The following QKI variants were observed in gnomAD, a reference collection of about 807,000 sequenced individuals.
QKI encodes KH domain-containing RNA-binding protein QKI.
Under a neutral mutation model 39.0 loss-of-function variants are expected in QKI, and 10 were observed. That is an observed-to-expected ratio of 0.26 (90% confidence interval 0.16 to 0.43). The LOEUF is 0.43. Among genes scored for constraint, QKI ranks in the 20% least tolerant of loss-of-function variants. The pLI, the probability that QKI is intolerant of heterozygous loss-of-function variation, is 1.00. For missense variants in QKI, 218 were observed against 428.0 expected (o/e 0.51, Z 4.33); for synonymous variants, 204 against 155.4 (o/e 1.31, Z -2.33).
In QKI at chr6:163,543,072, A is replaced by G. The variant is rs954856480; in HGVS notation, c.546+7947A>G. 2.0e-5 allele frequency among the ~76,000 whole-genome samples: 3 copies of G among 152,102 alleles called. No individual in the cohort carries two copies. The South Asian group carries it at 6.2e-4, about 31-fold the overall frequency. ...GCATTTGACTCATAATTAACTGAGT[A>G]TTAATTATAACCTGAAAATGTTAAG... On this transcript the variant is annotated intron_variant, in intron 4 of 7. Coordinates refer to ENST00000361752, the MANE Select transcript of QKI (RefSeq NM_006775.3).
chr6:163,460,481 C>T (rs1191292369), intron 2 of QKI, among the ~76,000 whole-genome samples: 3 of 152,120 alleles, frequency 2.0e-5, no homozygotes, highest in Non-Finnish European at 2.9e-5. Context: ...TGATGGAACA[C>T]GAGTTGTAAG....
At chr6:163,444,268 C>CATA (rs902564706) in intron 1 of QKI, among the ~76,000 whole-genome samples, 7 of 152,120 alleles carry the variant, frequency 4.6e-5, no homozygotes, top group African/African-American at 1.2e-4. Context: ...AGATGGAAGC[C>CATA]ATAAATGTGA....
rs772702767 is a variant in QKI at position 163,562,056 on chromosome 6, C to T, written c.621C>T (p.Ala207=). Residue 207 remains alanine, a synonymous_variant, in exon 5 of 8, where the codon GCC becomes GCT. Coordinates refer to ENST00000361752, the MANE Select transcript of QKI (RefSeq NM_006775.3). The part of the protein sequence containing the change: ...LAILNGTYRD[A]NIKSPALAFS... The stretch of plus-strand genomic sequence containing the variant: ...TTCTGAATGGCACCTACAGAGATGC[C>T]AACATTAAATCACGTAAGAATGAGC... 9.3e-6 allele frequency: 15 copies of T among 1,612,394 alleles called. No homozygotes were observed. The highest frequency in any genetic ancestry group is 1.3e-5 in the Non-Finnish European group (15 of 1,179,292).
rs1240575941 is a variant in QKI at position 163,564,456 on chromosome 6, A to G, written c.934+737A>G. The G allele has an allele frequency of 3.6e-6, 5 of 1,407,652 alleles. No individual in the cohort carries two copies. In the African/African-American group the frequency reaches 5.8e-5, roughly 16 times the overall value. 87.2% of individuals were successfully genotyped at this position (1,407,652 alleles called of 1,614,324 possible). A position where few individuals can be genotyped will look rare whatever the true frequency, so the allele number is the denominator to read the frequency against. ...TGTAGTTGTATTCTTAAGATTTTTC[A>G]GTTCTTGTGTTTTGGAGTCCTAGTC... On this transcript the variant is annotated intron_variant, in intron 6 of 7. Coordinates refer to ENST00000361752, the MANE Select transcript of QKI (RefSeq NM_006775.3).
intron 2 of QKI, among the ~76,000 whole-genome samples, chr6:163,476,267 A>G (rs564763462): frequency 2.0e-5 from 3 of 150,720 alleles, no homozygotes; most frequent in Admixed American, 6.6e-5. Context: ...ATTTAACACT[A>G]TGTACTAAAG....
intron 3 of QKI, among the ~76,000 whole-genome samples, chr6:163,515,059 C>G (rs1180706381): frequency 6.6e-6 from 1 of 152,074 alleles, no homozygotes; most frequent in East Asian, 1.9e-4. Context: ...ATCACAAATT[C>G]AATTAAAAAT....
intron 3 of QKI, among the ~76,000 whole-genome samples, chr6:163,534,656 T>G (rs1367999231): frequency 1.3e-5 from 2 of 152,230 alleles, no homozygotes; most frequent in African/African-American, 4.8e-5. Context: ...CAGTATCAGA[T>G]GTATGTTGTA....
At chr6:163,455,010 C>T (rs779983431) in intron 1 of QKI, among the ~76,000 whole-genome samples, 15 of 152,070 alleles carry the variant, frequency 9.9e-5, no homozygotes, top group Non-Finnish European at 1.9e-4. Flanking sequence ...CCATATTATA[C>T]CGGTTAGGAA....
chr6:163,439,417 G>T (rs1469200290), intron 1 of QKI, among the ~76,000 whole-genome samples: 1 of 142,516 alleles, frequency 7.0e-6, no homozygotes, highest in African/African-American at 2.6e-5. Context: ...GCACGATCTC[G>T]GCTCAATGCA....
chr6:163,524,300 G>T (rs1054139730), intron 3 of QKI, among the ~76,000 whole-genome samples: 2 of 151,764 alleles, frequency 1.3e-5, no homozygotes, highest in African/African-American at 4.8e-5. Context: ...TCATGTAATG[G>T]TTAATATATT....
intron 2 of QKI, among the ~76,000 whole-genome samples, chr6:163,466,120 T>G (rs910651425): frequency 7.4e-6 from 1 of 135,330 alleles, no homozygotes; most frequent in South Asian, 2.3e-4. Context: ...AGAGCGAAAC[T>G]CCATCTCAAA....
intron 1 of QKI, among the ~76,000 whole-genome samples, chr6:163,418,636 T>C (rs2759387): frequency 0.19 from 28,459 of 152,092 alleles, 3,115 homozygotes; most frequent in Middle Eastern, 0.28. Flanking sequence ...TGAAACCTTT[T>C]ATTGAAGATA....
chr6:163,489,149 C>G (rs1407548226), intron 3 of QKI, among the ~76,000 whole-genome samples: 6 of 141,936 alleles, frequency 4.2e-5, no homozygotes, highest in Non-Finnish European at 9.2e-5. Context: ...AAAGAATAGC[C>G]TTTATTCGTT....
chr6:163,515,346 G>A (rs1779728538), intron 3 of QKI, among the ~76,000 whole-genome samples: 1 of 151,956 alleles, frequency 6.6e-6, no homozygotes, highest in Non-Finnish European at 1.5e-5. Flanking sequence ...AGAAGGTCCT[G>A]TTTGTGGAAA....
chr6:163,464,313 A>G (rs1791568794), intron 2 of QKI, among the ~76,000 whole-genome samples: 1 of 152,074 alleles, frequency 6.6e-6, no homozygotes, highest in Non-Finnish European at 1.5e-5. Flanking sequence ...ACTACCTGGA[A>G]ATAGTGGATG....
intron 1 of QKI, among the ~76,000 whole-genome samples, chr6:163,448,169 T>A (rs1284466416): frequency 1.3e-5 from 2 of 152,210 alleles, no homozygotes; most frequent in Non-Finnish European, 2.9e-5. Context: ...TTTTTGCATG[T>A]GAAATTTATC....
In QKI at chr6:163,572,269, T is replaced by C. The variant is rs1229320054; in HGVS notation, c.*1559T>C. 2 of 152,348 alleles carry C rather than the reference T, an allele frequency of 1.3e-5. No homozygotes were observed. Among genetic ancestry groups the C allele is most frequent in the Middle Eastern group, 6.8e-3 (2 of 294 alleles). 9.4% of individuals were successfully genotyped at this position (152,348 alleles called of 1,614,324 possible). On this transcript the variant is annotated 3_prime_UTR_variant, in exon 8 of 8. Transcript: ENST00000361752. The stretch of plus-strand genomic sequence containing the variant: ...GAAGGGGGATGCATTCATTTGATTT[T>C]GTTTTTTGTTTTTAATTAATTGAAT...
At chr6:163,438,122 A>C (rs1372977888) in intron 1 of QKI, among the ~76,000 whole-genome samples, 1 of 152,160 alleles carries the variant, frequency 6.6e-6, no homozygotes, top group Non-Finnish European at 1.5e-5. Context: ...TACATGTGAG[A>C]AGTCATTTGC....
At chr6:163,485,318 G>A (rs1395684983) in intron 3 of QKI, among the ~76,000 whole-genome samples, 4 of 152,182 alleles carry the variant, frequency 2.6e-5, no homozygotes, top group African/African-American at 9.7e-5. Context: ...TGAAAGAAAT[G>A]TATTCATGCT....
Sources: allele counts gnomAD v4.1 joint callset (sites outside exome capture counted in the v4.1 genomes callset), GRCh38; gene constraint gnomAD v4.1.1; transcripts MANE v1.5; gene names NCBI Gene and HGNC (gene_info 2026-07-23, HGNC 2026-07-21).